The following METTL16 variants were observed in gnomAD, a reference collection of about 807,000 sequenced individuals.
METTL16 encodes the protein RNA N(6)-adenosine-methyltransferase METTL16.
METTL16 carries 19 observed loss-of-function variants against 57.9 expected under a neutral mutation model. The ratio of observed to expected loss-of-function variants is 0.33; its 90% CI spans 0.23 to 0.48. The LOEUF (loss-of-function observed/expected upper bound fraction) is 0.48. METTL16 is among the 20% of genes least tolerant of loss of function. The pLI, the probability that METTL16 is intolerant of heterozygous loss-of-function variation, is 0.99. For synonymous variants in METTL16, 246 were observed against 255.6 expected, an observed-to-expected ratio of 0.96 and a Z score of 0.36; for missense variants, 434 against 691.5, an observed-to-expected ratio of 0.63 and a Z score of 4.18.
chr17:2,429,955 C>T (rs901621095), intron 8 of METTL16, among the ~76,000 whole-genome samples: 3 of 151,610 alleles, frequency 2.0e-5, no homozygotes, highest in South Asian at 2.1e-4. Flanking sequence ...GGATTACAGG[C>T]GCCCGCCACC....
At chr17:2,499,717 A>T (rs1393008670) in intron 2 of METTL16, among the ~76,000 whole-genome samples, 1 of 152,182 alleles carries the variant, frequency 6.6e-6, no homozygotes, top group Non-Finnish European at 1.5e-5. Flanking sequence ...ATATTAACAC[A>T]GTAAGTAGTA....
chr17:2,490,543 A>G (rs2067380262), intron 2 of METTL16, among the ~76,000 whole-genome samples: 1 of 152,216 alleles, frequency 6.6e-6, no homozygotes, highest in African/African-American at 2.4e-5. Flanking sequence ...TGTATGTGAC[A>G]TTACCATTAT....
intron 8 of METTL16, among the ~76,000 whole-genome samples, chr17:2,434,412 A>C (rs912998829): frequency 1.3e-5 from 2 of 152,136 alleles, no homozygotes; most frequent in African/African-American, 4.8e-5. Context: ...ATGGGGTTTC[A>C]TCATGTTGGC....
intron 2 of METTL16, among the ~76,000 whole-genome samples, chr17:2,500,600 CCTTT>C (rs1429921003): frequency 1.3e-5 from 2 of 151,974 alleles, no homozygotes; most frequent in African/African-American, 4.8e-5. Context: ...TCTTTCCCTT[CCTTT>C]TTCTCCTCTA....
At chr17:2,497,597 A>G (rs1417847370) in intron 2 of METTL16, among the ~76,000 whole-genome samples, 2 of 151,474 alleles carry the variant, frequency 1.3e-5, no homozygotes, top group South Asian at 2.1e-4. Flanking sequence ...ATGAGCCACT[A>G]TGCCCGGCCT....
At chr17:2,507,528 A>G (rs1397037285) in intron 1 of METTL16, among the ~76,000 whole-genome samples, 3 of 149,304 alleles carry the variant, frequency 2.0e-5, no homozygotes, top group Admixed American at 6.6e-5. Flanking sequence ...CCGCCCGGCC[A>G]GCCGCCCCAT....
At chr17:2,441,299 G>C (rs1226744868) in intron 7 of METTL16, among the ~76,000 whole-genome samples, 191 bp downstream of exon 7, 1 of 152,192 alleles carries the variant, frequency 6.6e-6, no homozygotes, top group African/African-American at 2.4e-5. Flanking sequence ...TGGTTGGGGA[G>C]TGGGAGACCG....
chr17:2,446,914 G>T (rs1021987343), intron 6 of METTL16, among the ~76,000 whole-genome samples: 3 of 151,370 alleles, frequency 2.0e-5, no homozygotes, highest in Non-Finnish European at 4.4e-5. Context: ...GTGCAGTGGC[G>T]TGATCTCGGC....
chr17:2,477,679 G>T lies in METTL16; in HGVS notation c.328+7C>A, dbSNP rs1457173411. The T allele has an allele frequency of 1.9e-6, 3 of 1,602,114 alleles. No homozygotes were observed. Among genetic ancestry groups the T allele is most frequent in the Admixed American group, 3.3e-5 (2 of 59,952 alleles). On this transcript the variant is annotated splice_region_variant and intron_variant, in intron 3 of 9. Coordinates refer to ENST00000263092, the MANE Select transcript of METTL16 (RefSeq NM_024086.4). ...GTTTAGCCAAAAAAGAATTTAAAAT[G>T]ATATACCTATGTCAATTCCTCTTCG...
chr17:2,502,985 T>G (rs1195102332), intron 1 of METTL16, among the ~76,000 whole-genome samples: 1 of 152,192 alleles, frequency 6.6e-6, no homozygotes. Context: ...GGAGTTCTCA[T>G]GCATTGCTGT....
chr17:2,477,477 A>C, intron 3 of METTL16: 2 of 562,620 alleles, frequency 3.6e-6, no homozygotes, highest in Admixed American at 3.0e-5. Flanking sequence ...GGAACGCTCC[A>C]ACGCACATTG....
At chr17:2,508,560 A>G (rs2067564852) in intron 1 of METTL16, among the ~76,000 whole-genome samples, 1 of 151,896 alleles carries the variant, frequency 6.6e-6, no homozygotes. Flanking sequence ...CCATCTCCCA[A>G]TTATTTCTTG....
At chr17:2,485,772 T>TGAAGCGGACGGTCTG (rs1382080576) in intron 2 of METTL16, among the ~76,000 whole-genome samples, 2 of 152,200 alleles carry the variant, frequency 1.3e-5, no homozygotes, top group Non-Finnish European at 2.9e-5. Context: ...CCTCCCTTTC[T>TGAAGCGGACGGTCTG]GAAGCGGACG....
At chr17:2,434,786 C>T (rs1337251323) in intron 8 of METTL16, among the ~76,000 whole-genome samples, 1 of 152,138 alleles carries the variant, frequency 6.6e-6, no homozygotes, top group Non-Finnish European at 1.5e-5. Context: ...CTCCAAAAAG[C>T]CCTCTAGTTC....
chr17:2,429,184 G>A (rs2066850917), intron 8 of METTL16, among the ~76,000 whole-genome samples: 1 of 136,344 alleles, frequency 7.3e-6, no homozygotes, highest in African/African-American at 2.8e-5. Flanking sequence ...AACTGATAAA[G>A]CAAAAGAATG....
chr17:2,422,893 G>C (rs530168057), intron 8 of METTL16, among the ~76,000 whole-genome samples: 25 of 152,212 alleles, frequency 1.6e-4, no homozygotes, highest in African/African-American at 6.0e-4. Flanking sequence ...TGAGGCAGGA[G>C]AATCACTTGA....
chr17:2,473,453 A>G, intron 4 of METTL16, 71 bp downstream of exon 4: 1 of 1,496,358 alleles, frequency 6.7e-7, no homozygotes, highest in Non-Finnish European at 9.0e-7. Flanking sequence ...AGAAAAAGGT[A>G]ATGAAATGCG....
At position 2,423,182 on chromosome 17, in the gene METTL16, C is replaced by T. The variant is rs546185429; in HGVS notation, c.889-2278G>A. ...CTTCTAATAAGAACTAACCAGCGGCCTCACACTGCATACATACACAACAAC... is the reference window on the plus strand; with the variant it reads ...CTTCTAATAAGAACTAACCAGCGGCTTCACACTGCATACATACACAACAAC... On this transcript the variant is annotated intron_variant, in intron 8 of 9. Transcript: ENST00000263092. 4.5e-4 allele frequency among the ~76,000 whole-genome samples: 69 copies of T among 152,072 alleles called. 1 individual carries two copies. The highest frequency in any genetic ancestry group is 1.5e-3 in the African/African-American group (62 of 41,492).
intron 8 of METTL16, among the ~76,000 whole-genome samples, chr17:2,435,798 G>T (rs958407113): frequency 6.6e-6 from 1 of 151,144 alleles, no homozygotes; most frequent in African/African-American, 2.4e-5. Flanking sequence ...GAAGACTCTG[G>T]TAGGGGGGGA....
Sources: allele counts gnomAD v4.1 joint callset (sites outside exome capture counted in the v4.1 genomes callset), GRCh38; gene constraint gnomAD v4.1.1; transcripts MANE v1.5; gene names NCBI Gene and HGNC (gene_info 2026-07-23, HGNC 2026-07-21).